The following CECR2 variants were observed in gnomAD, a reference collection of about 807,000 sequenced individuals.
CECR2 encodes the protein CECR2 histone acetyl-lysine reader, also known as chromatin remodeling regulator CECR2.
A neutral mutation model predicts 154.5 loss-of-function variants in CECR2; 30 were observed. That is an observed-to-expected ratio of 0.19 (90% CI 0.15 to 0.26). The LOEUF is 0.26. Among genes scored for constraint, CECR2 ranks in the 10% least tolerant of loss-of-function variants. The probability of loss-of-function intolerance (pLI) is 1.00; values close to 1 mark genes in which losing one functional copy is unlikely to be tolerated. For missense variants in CECR2, 1,743 were observed against 1,829.3 expected (o/e 0.95, Z 0.86); for synonymous variants, 725 against 683.7 (o/e 1.06, Z -0.94).
At chr22:17,475,600 A>G (rs1267684913) in intron 1 of CECR2, among the ~76,000 whole-genome samples, 1 of 152,080 alleles carries the variant, frequency 6.6e-6, no homozygotes, top group Admixed American at 6.5e-5. Flanking sequence ...GCTAGTTTCT[A>G]CATCTTTAAA....
chr22:17,503,943 A>T (rs2055785580), intron 6 of CECR2, among the ~76,000 whole-genome samples: 1 of 151,988 alleles, frequency 6.6e-6, no homozygotes, highest in Admixed American at 6.6e-5. Flanking sequence ...ACTACTCGGG[A>T]GGCTGAGGCA....
rs146836528 is a variant in CECR2 at position 17,361,315 on chromosome 22, C to T, written c.-364+1292C>T. Reference sequence around the variant, plus strand: ...CAGCCTGGCCAACATGGCAAAACCCCATCTCTGCTAAAAATACAAAAATTA... The same window carrying T: ...CAGCCTGGCCAACATGGCAAAACCCTATCTCTGCTAAAAATACAAAAATTA... On this transcript the variant is annotated intron_variant, in intron 1 of 18. Coordinates refer to the CECR2 transcript ENST00000400585. Among the ~76,000 whole-genome samples, 193 of 152,242 alleles carry T rather than the reference C, an allele frequency of 1.3e-3. 1 individual carries two copies. The highest frequency in any genetic ancestry group is 4.6e-3 in the African/African-American group (191 of 41,538).
rs3994825 is a variant in CECR2 at position 17,505,835 on chromosome 22, CTTTT to C, written c.870+840_870+843del. On this transcript the variant is annotated intron_variant, in intron 7 of 18. Transcript: ENST00000262608. ...TACAGGTGTGAGCCACTGCACCCGG[CTTTT>C]TTTTTTTTTTTTTTTTTTTTAAGGA... Among the ~76,000 whole-genome samples, 152 of 84,556 alleles carry C rather than the reference CTTTT, an allele frequency of 1.8e-3. 2 individuals carry two copies. The highest frequency in any genetic ancestry group is 6.8e-3 in the African/African-American group (143 of 20,942). The allele number at this position is 84,556 out of a possible 152,430, so 55.5% of individuals were successfully genotyped here. A position where few individuals can be genotyped will look rare whatever the true frequency, so the allele number is the denominator to read the frequency against.
chr22:17,534,930 C>T (rs1051055885), intron 9 of CECR2, among the ~76,000 whole-genome samples: 2 of 149,472 alleles, frequency 1.3e-5, no homozygotes, highest in South Asian at 2.1e-4. Context: ...GCAGGTGGAT[C>T]ACAAGGTCAG....
At chr22:17,478,257 A>G (rs1281582242) in intron 2 of CECR2, among the ~76,000 whole-genome samples, 2 of 151,982 alleles carry the variant, frequency 1.3e-5, no homozygotes, top group Non-Finnish European at 2.9e-5. Flanking sequence ...AAAAGGTGAG[A>G]TGCAATGGGT....
chr22:17,543,040 T>G (rs1268292316), intron 16 of CECR2, 37 bp downstream of exon 16: 14 of 1,549,892 alleles, frequency 9.0e-6, no homozygotes, highest in Non-Finnish European at 1.2e-5. Flanking sequence ...TTTAAGCTCT[T>G]GTTTCATGAG....
In CECR2 at chr22:17,548,383, C is replaced by G; in HGVS notation, c.3096C>G (p.Pro1032=). The change falls in exon 17 of 19, where the codon CCC becomes CCG. Residue 1032 remains proline, a synonymous_variant. Transcript: ENST00000262608. The part of the protein sequence containing the change: ...KNPWPSDSSY[P]GPAAQGCVRD... ...CCTGGCCCTCGGATAGCAGCTACCC[C>G]GGCCCAGCCGCCCAAGGGTGCGTGA... The G allele has an allele frequency of 1.2e-6, 2 of 1,613,418 alleles. No homozygotes were observed. The highest frequency in any genetic ancestry group is 1.7e-6 in the Non-Finnish European group (2 of 1,179,590).
Position 17,446,249 on chromosome 22 carries a change from G to C in CECR2, c.127-31339G>C, listed in dbSNP as rs1416254021. On this transcript the variant is annotated intron_variant, in intron 1 of 18. Coordinates refer to ENST00000262608, the MANE Select transcript of CECR2 (RefSeq NM_001290047.2). ...TCCCAAGTCAGGTGTTGCGGCACAT[G>C]CCTATAGTCCCAGCTGTTCAGGAGG... Among the ~76,000 whole-genome samples, 3 of 152,236 alleles carry C rather than the reference G, an allele frequency of 2.0e-5. No homozygotes were observed. The East Asian group carries it at 5.8e-4, about 29-fold the overall frequency.
chr22:17,476,750 C>T (rs1007675741), intron 1 of CECR2, among the ~76,000 whole-genome samples: 1 of 152,278 alleles, frequency 6.6e-6, no homozygotes, highest in Non-Finnish European at 1.5e-5. Context: ...AGATTGCATC[C>T]TGGTTGAAAG....
rs572712907 is a variant in CECR2 at position 17,481,049 on chromosome 22, T to TAAAAAAA, written c.221+3373_221+3379dup. On this transcript the variant is annotated intron_variant, in intron 2 of 18. Transcript: ENST00000262608. The stretch of plus-strand genomic sequence containing the variant: ...AGTGAGACTCCATCTCTTTTTTTTT[T>TAAAAAAA]AAAAAAAAAAAAGGCCGGGCACGGT... 5.4e-5 allele frequency among the ~76,000 whole-genome samples: 5 copies of TAAAAAAA among 92,068 alleles called. 1 individual carries two copies. The highest frequency in any genetic ancestry group is 3.3e-4 in the South Asian group (1 of 2,986). 60.4% of individuals were successfully genotyped at this position (92,068 alleles called of 152,430 possible). A position where few individuals can be genotyped will look rare whatever the true frequency, so the allele number is the denominator to read the frequency against.
chr22:17,543,566 T>G (rs1485495342), intron 16 of CECR2, among the ~76,000 whole-genome samples: 1 of 77,286 alleles, frequency 1.3e-5, no homozygotes, highest in Non-Finnish European at 2.4e-5. Context: ...CTCCTGAGAC[T>G]TTTTTTTTTT....
In CECR2 at chr22:17,537,243, A is replaced by T. The variant is rs537830517; in HGVS notation, c.1238+11A>T. On this transcript the variant is annotated intron_variant, in intron 10 of 18. Coordinates refer to ENST00000262608, the MANE Select transcript of CECR2 (RefSeq NM_001290047.2). The stretch of plus-strand genomic sequence containing the variant: ...AAAGACTAAAGACCTGTGAGTATTT[A>T]GTAACAACAACAACAGCAGTAGCAA... 8 of 1,613,610 alleles carry T rather than the reference A, an allele frequency of 5.0e-6. No homozygotes were observed. In the South Asian group the frequency reaches 7.7e-5, roughly 16 times the overall value.
Position 17,530,312 on chromosome 22 carries a change from C to T in CECR2, c.1108+6041C>T, listed in dbSNP as rs546472586. Among the ~76,000 whole-genome samples the T allele has an allele frequency of 4.0e-5, 6 of 151,196 alleles. No homozygotes were observed. In the East Asian group the frequency reaches 1.2e-3, roughly 30 times the overall value. ...GCCGCGCCCGGCACATGACTGCATA[C>T]TTTCAAGGAGAGGACTCAGAGCTTT... On this transcript the variant is annotated intron_variant, in intron 9 of 18. Coordinates refer to ENST00000262608, the MANE Select transcript of CECR2 (RefSeq NM_001290047.2).
In CECR2 at chr22:17,556,375, C is replaced by G. The variant is rs982363055; in HGVS notation, c.*3535C>G. ...AATGTCGATTTACTCTGTCTTGTTC[C>G]CTGAAAGTGTTTCTTGTGACTAAGC... On this transcript the variant is annotated 3_prime_UTR_variant, in exon 19 of 19. Coordinates refer to ENST00000262608, the MANE Select transcript of CECR2 (RefSeq NM_001290047.2). 1 of 152,166 alleles carries G rather than the reference C, an allele frequency of 6.6e-6. No individual in the cohort carries two copies. Among genetic ancestry groups the G allele is most frequent in the African/African-American group, 2.4e-5 (1 of 41,442 alleles). 9.4% of individuals were successfully genotyped at this position (152,166 alleles called of 1,614,324 possible).
At chr22:17,480,459 C>CACACACACAGAGAG (rs373106595) in intron 2 of CECR2, among the ~76,000 whole-genome samples, 36 of 143,846 alleles carry the variant, frequency 2.5e-4, no homozygotes, top group South Asian at 4.4e-4. Context: ...CACACACACA[C>CACACACACAGAGAG]AGAGAAAAGT....
chr22:17,458,448 C>CAAAAAAAA, intron 1 of CECR2, among the ~76,000 whole-genome samples: 1 of 149,448 alleles, frequency 6.7e-6, no homozygotes. Context: ...CCACATAACA[C>CAAAAAAAA]ACACATGACT....
chr22:17,401,737 G>A (rs957230368), intron 1 of CECR2, among the ~76,000 whole-genome samples: 2 of 151,988 alleles, frequency 1.3e-5, no homozygotes, highest in East Asian at 1.9e-4. Flanking sequence ...GCAAAAATTT[G>A]TGTACCATTC....
In CECR2 at chr22:17,540,785, C is replaced by G; in HGVS notation, c.1869C>G (p.Pro623=). The G allele has an allele frequency of 6.3e-7, 1 of 1,575,038 alleles. No homozygotes were observed. The highest frequency in any genetic ancestry group is 8.6e-7 in the Non-Finnish European group (1 of 1,160,282). The change falls in exon 14 of 19, where the codon CCC becomes CCG. Residue 623 remains proline, a synonymous_variant. Coordinates refer to ENST00000262608, the MANE Select transcript of CECR2 (RefSeq NM_001290047.2). ...GTGGTGGGACACCCAGCCAGGCACC[C>G]TTTTTAAACCAGATGGTAAGGAATA... ...LHCGGTPSQA[P]FLNQMRPAVP...
intron 1 of CECR2, among the ~76,000 whole-genome samples, chr22:17,439,052 C>A (rs892850331): frequency 2.0e-5 from 3 of 151,834 alleles, no homozygotes; most frequent in African/African-American, 7.3e-5. Context: ...AGCAAGAAGA[C>A]CTAGCATTAA....
Sources: gnomAD v4.1 joint callset for allele counts (sites outside exome capture counted in the v4.1 genomes callset) on GRCh38, gnomAD v4.1.1 for gene constraint, MANE v1.5 for transcripts, NCBI Gene and HGNC (gene_info 2026-07-23, HGNC 2026-07-21) for gene names.